DROSHA: variants seen among roughly 807,000 people sequenced by gnomAD.
DROSHA encodes drosha ribonuclease III, also known as ribonuclease 3.
DROSHA carries 56 observed loss-of-function variants against 181.9 expected under a neutral mutation model. The observed-to-expected ratio is 0.31, with a 90% CI of 0.25 to 0.38. The LOEUF is 0.38. DROSHA is among the 10% of genes least tolerant of loss of function. DROSHA has a pLI of 1.00. For missense variants in DROSHA, 1,218 were observed against 1,743.5 expected (o/e 0.70, Z 5.37); for synonymous variants, 524 against 591.2 (o/e 0.89, Z 1.65).
At chr5:31,491,278 C>T (rs1057175897) in intron 13 of DROSHA, among the ~76,000 whole-genome samples, 1 of 151,164 alleles carries the variant, frequency 6.6e-6, no homozygotes, top group African/African-American at 2.4e-5. Flanking sequence ...TTATTATGTG[C>T]CAAACACCAT....
chr5:31,437,246 G>T lies in DROSHA; in HGVS notation c.2935C>A (p.Leu979Met). ...ACAAAAAAGCCTAATTACCTGGTCA[G>T]AAATTCAACAACAGCATCACCCAGG... is the stretch of plus-strand genomic sequence containing the variant. ...EFLGDAVVEF[L>M]TSVHLYYLFP... The change falls in exon 24 of 36, where the codon CTG becomes ATG. Residue 979 changes from leucine (L) to methionine (M), a missense_variant. Coordinates refer to ENST00000344624, the MANE Select transcript of DROSHA (RefSeq NM_001382508.1). The T allele has an allele frequency of 6.4e-7, 1 of 1,574,656 alleles. No homozygotes were observed. The highest frequency in any genetic ancestry group is 8.6e-7 in the Non-Finnish European group (1 of 1,158,764).
chr5:31,441,058 G>C (rs1169392564), intron 23 of DROSHA, among the ~76,000 whole-genome samples: 1 of 151,548 alleles, frequency 6.6e-6, no homozygotes, highest in Non-Finnish European at 1.5e-5. Flanking sequence ...GAAAAAAAGA[G>C]AGAGAGAAAG....
At chr5:31,507,814 G>A (rs2150052207) in intron 10 of DROSHA, among the ~76,000 whole-genome samples, 1 of 152,184 alleles carries the variant, frequency 6.6e-6, no homozygotes, top group Non-Finnish European at 1.5e-5. Flanking sequence ...AGAAAACCAA[G>A]TTTTAAAATG....
At chr5:31,487,364 A>AAAATAAATC (rs1161516366) in intron 13 of DROSHA, among the ~76,000 whole-genome samples, 1 of 152,222 alleles carries the variant, frequency 6.6e-6, no homozygotes, top group Non-Finnish European at 1.5e-5. Context: ...GGCTCAGCAT[A>AAAATAAATC]AAATAAATCC....
rs1742055352 is a variant in DROSHA at position 31,417,254 on chromosome 5, T to C, written c.3525+4018A>G. Among the ~76,000 whole-genome samples the C allele has an allele frequency of 3.3e-5, 5 of 152,206 alleles. No individual in the cohort carries two copies. In the South Asian group the frequency reaches 1.0e-3, roughly 31 times the overall value. ...ACTGCAAAGGCCCTGAGGCAAGGGCTTGCTTAGTGTCCTGCAGGAACTGGC... is the reference window on the plus strand; with the variant it reads ...ACTGCAAAGGCCCTGAGGCAAGGGCCTGCTTAGTGTCCTGCAGGAACTGGC... On this transcript the variant is annotated intron_variant, in intron 30 of 35. Coordinates refer to ENST00000344624, the MANE Select transcript of DROSHA (RefSeq NM_001382508.1).
intron 5 of DROSHA, among the ~76,000 whole-genome samples, chr5:31,521,550 A>T (rs1739900710): frequency 6.6e-6 from 1 of 152,226 alleles, no homozygotes; most frequent in Non-Finnish European, 1.5e-5. Context: ...AAAACTCTAA[A>T]GAACTCCACA....
chr5:31,449,814 G>A lies in DROSHA; in HGVS notation c.2683-395C>T, dbSNP rs1229417405. On this transcript the variant is annotated intron_variant, in intron 21 of 35. Coordinates refer to ENST00000344624, the MANE Select transcript of DROSHA (RefSeq NM_001382508.1). ...AGCAGGAAAGGGAGCTGTCTATCCA[G>A]TTGAATTCTAAGCCCTGATCTTTCC... is the stretch of plus-strand genomic sequence containing the variant. Among the ~76,000 whole-genome samples, 4 of 152,136 alleles carry A rather than the reference G, an allele frequency of 2.6e-5. No homozygotes were observed. The East Asian group carries it at 5.8e-4, about 22-fold the overall frequency.
intron 20 of DROSHA, among the ~76,000 whole-genome samples, chr5:31,461,487 C>G (rs1748397236): frequency 6.6e-6 from 1 of 152,082 alleles, no homozygotes; most frequent in African/African-American, 2.4e-5. Flanking sequence ...TGCAATAGGA[C>G]AGACTAAGAG....
At chr5:31,421,841 G>A (rs1390945615) in intron 29 of DROSHA, 1 of 97,006 alleles carries the variant, frequency 1.0e-5, no homozygotes, top group Non-Finnish European at 1.9e-5. Flanking sequence ...TTTGAGACCA[G>A]CCTGGCAACA....
intron 8 of DROSHA, 141 bp from the exon 9 acceptor site, chr5:31,511,317 C>T: frequency 1.2e-6 from 1 of 801,292 alleles, no homozygotes; most frequent in Non-Finnish European, 1.9e-6. Flanking sequence ...CATTTAAAAA[C>T]AAAATGCTCA....
At position 31,486,657 on chromosome 5, in the gene DROSHA, A is replaced by T. The variant is rs1403579681; in HGVS notation, c.1843-95T>A. 5.0e-6 allele frequency: 5 copies of T among 999,382 alleles called. No individual in the cohort carries two copies. The African/African-American group carries it at 8.1e-5, about 16-fold the overall frequency. The allele number at this position is 999,382 out of a possible 1,614,324, so 61.9% of individuals were successfully genotyped here. The stretch of plus-strand genomic sequence containing the variant: ...ACCTGACCCAAAAGGCCATGAACCA[A>T]ATGAGAAGGCTTCACCTTCATCTCA... On this transcript the variant is annotated intron_variant, in intron 13 of 35. Coordinates refer to ENST00000344624, the MANE Select transcript of DROSHA (RefSeq NM_001382508.1).
chr5:31,511,022 G>T lies in DROSHA; in HGVS notation c.1432+13C>A, dbSNP rs374512467. On this transcript the variant is annotated intron_variant, in intron 9 of 35. Transcript: ENST00000344624. The stretch of plus-strand genomic sequence containing the variant: ...TCGCAAGGGTCTCAGGCTAGTTAGT[G>T]ACTCTGACTCACCTAAATCTTCATC... The T allele has an allele frequency of 6.2e-7, 1 of 1,613,788 alleles. No individual in the cohort carries two copies. Among genetic ancestry groups the T allele is most frequent in the Non-Finnish European group, 8.5e-7 (1 of 1,179,836 alleles).
At chr5:31,447,572 C>A (rs1746463572) in intron 23 of DROSHA, among the ~76,000 whole-genome samples, 1 of 152,076 alleles carries the variant, frequency 6.6e-6, no homozygotes, top group Non-Finnish European at 1.5e-5. Context: ...AGAGAAAAGA[C>A]AATTCACAGA....
chr5:31,439,336 T>C (rs1467274246), intron 23 of DROSHA, among the ~76,000 whole-genome samples: 1 of 152,250 alleles, frequency 6.6e-6, no homozygotes, highest in Non-Finnish European at 1.5e-5. Flanking sequence ...AGTATCTCTA[T>C]GCTGTCACTT....
At chr5:31,476,690 G>A (rs988380169) in intron 16 of DROSHA, among the ~76,000 whole-genome samples, 35 of 152,288 alleles carry the variant, frequency 2.3e-4, no homozygotes, top group African/African-American at 8.2e-4. Context: ...TTGAGACTCT[G>A]CTCCCTGTCT....
At chr5:31,524,397 A>G (rs936206441) in intron 5 of DROSHA, among the ~76,000 whole-genome samples, 4 of 152,210 alleles carry the variant, frequency 2.6e-5, no homozygotes, top group African/African-American at 7.2e-5. Context: ...GCAAACCCAG[A>G]GTGAAGTGAC....
intron 16 of DROSHA, among the ~76,000 whole-genome samples, chr5:31,477,621 T>C (rs1750547211): frequency 6.6e-6 from 1 of 152,196 alleles, no homozygotes; most frequent in African/African-American, 2.4e-5. Context: ...AGAATCAATT[T>C]TCTAGACAGT....
chr5:31,531,673 T>C (rs1741410321), intron 1 of DROSHA, 148 bp from the exon 2 acceptor site: 1 of 152,332 alleles, frequency 6.6e-6, no homozygotes, highest in African/African-American at 2.4e-5. Context: ...ATTTACTGTT[T>C]GCATCTCCCG....
intron 35 of DROSHA, among the ~76,000 whole-genome samples, chr5:31,402,112 A>G (rs1029468591): frequency 2.6e-5 from 4 of 152,230 alleles, no homozygotes; most frequent in African/African-American, 9.6e-5. Context: ...GTTTATGATG[A>G]CAGGCCCAAA....
Sources: allele counts gnomAD v4.1 joint callset (sites outside exome capture counted in the v4.1 genomes callset), GRCh38; gene constraint gnomAD v4.1.1; transcripts MANE v1.5; gene names NCBI Gene and HGNC (gene_info 2026-07-23, HGNC 2026-07-21).